LARGE1: variants seen among roughly 807,000 people sequenced by gnomAD.
LARGE1 encodes LARGE xylosyl- and glucuronyltransferase 1.
A neutral mutation model predicts 87.6 loss-of-function variants in LARGE1; 43 were observed. The ratio of observed to expected loss-of-function variants is 0.49; its 90% CI spans 0.38 to 0.63. The LOEUF (loss-of-function observed/expected upper bound fraction) is 0.63. Ranked by LOEUF, LARGE1 falls within the 30% of genes least tolerant of loss-of-function variation. The pLI, the probability that LARGE1 is intolerant of heterozygous loss-of-function variation, is 0.00. For synonymous variants in LARGE1, 434 were observed against 394.6 expected (o/e 1.10, Z -1.18); for missense variants, 802 against 1,000.2 (o/e 0.80, Z 2.67).
At chr22:33,442,972 T>TC (rs2067537499) in intron 6 of LARGE1, among the ~76,000 whole-genome samples, 1 of 152,070 alleles carries the variant, frequency 6.6e-6, no homozygotes. Flanking sequence ...TTTGTATTTT[T>TC]TAGTAGAGAC....
At chr22:33,551,654 G>T (rs1176215358) in intron 6 of LARGE1, among the ~76,000 whole-genome samples, 1 of 152,126 alleles carries the variant, frequency 6.6e-6, no homozygotes, top group Non-Finnish European at 1.5e-5. Context: ...CTTGCCTCAA[G>T]GGATTTGTTT....
intron 14 of LARGE1, among the ~76,000 whole-genome samples, chr22:33,276,471 A>C (rs1195700706): frequency 6.6e-6 from 1 of 152,252 alleles, no homozygotes; most frequent in Non-Finnish European, 1.5e-5. Flanking sequence ...AACACTTACT[A>C]TCTGGTCCTT....
intron 7 of LARGE1, among the ~76,000 whole-genome samples, chr22:33,407,061 G>C (rs538793048): frequency 1.1e-4 from 16 of 152,294 alleles, no homozygotes; most frequent in African/African-American, 3.6e-4. Flanking sequence ...CCAAAGTACT[G>C]GGATTACAGG....
At chr22:33,117,325 G>A in the LARGE1 span, among the ~76,000 whole-genome samples, 1 of 152,158 alleles carries the variant, frequency 6.6e-6, no homozygotes, top group South Asian at 2.1e-4. Flanking sequence ...GGATGGCATT[G>A]AGTTGCTAAC....
intron 6 of LARGE1, among the ~76,000 whole-genome samples, chr22:33,472,161 G>A (rs1407546751): frequency 7.2e-5 from 11 of 152,192 alleles, no homozygotes; most frequent in Non-Finnish European, 1.5e-4. Flanking sequence ...AGTGCCATGG[G>A]TTAACTTTGA....
intron 6 of LARGE1, among the ~76,000 whole-genome samples, chr22:33,462,966 A>T (rs2148025262): frequency 6.6e-6 from 1 of 152,340 alleles, no homozygotes; most frequent in South Asian, 2.1e-4. Flanking sequence ...TTAATTTCAG[A>T]CTTGAAGTTA....
At chr22:33,286,155 C>T (rs1486651159) in intron 12 of LARGE1, among the ~76,000 whole-genome samples, 1 of 152,306 alleles carries the variant, frequency 6.6e-6, no homozygotes, top group Admixed American at 6.5e-5. Flanking sequence ...TTTGAGTCAG[C>T]CTGTCCCAGC....
intron 3 of LARGE1, among the ~76,000 whole-genome samples, chr22:33,641,392 A>G (rs1254381388): frequency 1.3e-5 from 2 of 152,198 alleles, no homozygotes; most frequent in African/African-American, 4.8e-5. Context: ...AGCATCCAAG[A>G]TCAAAGGTAG....
At chr22:33,823,149 A>G (rs2062686770) in intron 1 of LARGE1, among the ~76,000 whole-genome samples, 1 of 152,248 alleles carries the variant, frequency 6.6e-6, no homozygotes, top group Non-Finnish European at 1.5e-5. Flanking sequence ...TGATGTATTA[A>G]AAAAGAATAA....
At chr22:33,723,728 T>C (rs545566069) in intron 2 of LARGE1, 5 of 151,774 alleles carry the variant, frequency 3.3e-5, no homozygotes, top group Non-Finnish European at 7.4e-5. Flanking sequence ...CCCCCCTTTT[T>C]TCCCCCTCTA....
At chr22:33,775,816 C>T (rs59295827) in intron 1 of LARGE1, among the ~76,000 whole-genome samples, 4,647 of 148,860 alleles carry the variant, frequency 0.031, 222 homozygotes, top group African/African-American at 0.11. Context: ...CGCGCCACTG[C>T]ACTCCAGCCT....
At chr22:33,439,866 C>G (rs992467803) in intron 6 of LARGE1, among the ~76,000 whole-genome samples, 1 of 152,224 alleles carries the variant, frequency 6.6e-6, no homozygotes, top group Non-Finnish European at 1.5e-5. Context: ...CTTGTCACCA[C>G]AGCTAGAAGC....
At chr22:33,696,311 G>A (rs2082248809) in intron 2 of LARGE1, among the ~76,000 whole-genome samples, 1 of 141,994 alleles carries the variant, frequency 7.0e-6, no homozygotes, top group Non-Finnish European at 1.5e-5. Context: ...TGCCCAGGCT[G>A]GAGTGCAGTG....
chr22:33,251,624 T>C (rs1298504387), intron 11 of LARGE1, among the ~76,000 whole-genome samples: 1 of 152,250 alleles, frequency 6.6e-6, no homozygotes, highest in Non-Finnish European at 1.5e-5. Context: ...CCTTTGCTTG[T>C]TATTTTTATA....
chr22:33,766,420 C>T (rs1252572811), intron 1 of LARGE1, among the ~76,000 whole-genome samples: 1 of 152,114 alleles, frequency 6.6e-6, no homozygotes, highest in African/African-American at 2.4e-5. Flanking sequence ...AAAAAAATCA[C>T]CATGATCTGT....
intron 9 of LARGE1, among the ~76,000 whole-genome samples, chr22:33,367,338 T>C (rs2146961686): frequency 6.6e-6 from 1 of 152,314 alleles, no homozygotes; most frequent in East Asian, 1.9e-4. Context: ...ATTTTATTGG[T>C]CCCTTTCAAA....
At chr22:33,432,287 A>C in intron 6 of LARGE1, 22 bp from the exon 7 acceptor site, 1 of 1,584,874 alleles carries the variant, frequency 6.3e-7, no homozygotes, top group South Asian at 1.1e-5. Context: ...AGAGAATACA[A>C]ACATCTTAAA....
At chr22:33,802,292 C>T (rs952344993) in intron 1 of LARGE1, among the ~76,000 whole-genome samples, 1 of 152,220 alleles carries the variant, frequency 6.6e-6, no homozygotes, top group Admixed American at 6.5e-5. Context: ...GGAAGCACTA[C>T]AGAGATGGCT....
At chr22:33,430,106 A>G (rs2067024218) in intron 7 of LARGE1, among the ~76,000 whole-genome samples, 1 of 152,210 alleles carries the variant, frequency 6.6e-6, no homozygotes, top group Non-Finnish European at 1.5e-5. Context: ...TCCTGAAGCC[A>G]TTAAAGTTCA....
Sources: gnomAD v4.1 joint callset for allele counts (sites outside exome capture counted in the v4.1 genomes callset) on GRCh38, gnomAD v4.1.1 for gene constraint, MANE v1.5 for transcripts, NCBI Gene and HGNC (gene_info 2026-07-23, HGNC 2026-07-21) for gene names.